Variants in RIN2 observed in about 807,000 individuals in gnomAD.
RIN2 encodes the protein RAB5 interacting protein 2.
Under a neutral mutation model 78.0 loss-of-function variants are expected in RIN2, and 36 were observed. The observed-to-expected ratio is 0.46, with a 90% CI of 0.35 to 0.61. RIN2 has a LOEUF of 0.61. RIN2 is among the 20% of genes least tolerant of loss of function. RIN2 has a pLI of 0.00. For missense variants in RIN2, 1,087 were observed against 1,159.7 expected, an observed-to-expected ratio of 0.94 and a Z score of 0.91; for synonymous variants, 466 against 466.8, an observed-to-expected ratio of 1.00 and a Z score of 0.02.
rs1316215614 is a variant in RIN2 at position 19,788,432 on chromosome 20, C to CAAAAAAAAAAAAAAAACAAAA, written c.-162-11174_-162-11173insCAAAAAAAAAAAAAAAAAAAA. ...CAACATGGCGAAATCCTGTCTCTGC[C>CAAAAAAAAAAAAAAAACAAAA]AAAAAAAAAAAAAAAAACAACTAGC... is the stretch of plus-strand genomic sequence containing the variant. On this transcript the variant is annotated intron_variant, in intron 1 of 12. Transcript: ENST00000255006. Among the ~76,000 whole-genome samples the CAAAAAAAAAAAAAAAACAAAA allele has an allele frequency of 4.1e-3, 220 of 53,714 alleles. 7 individuals carry two copies. Among genetic ancestry groups the CAAAAAAAAAAAAAAAACAAAA allele is most frequent in the African/African-American group, 0.023 (211 of 9,092 alleles). 35.2% of individuals were successfully genotyped at this position (53,714 alleles called of 152,430 possible). A position where few individuals can be genotyped will look rare whatever the true frequency, so the allele number is the denominator to read the frequency against.
chr20:19,993,560 C>G (rs938999101), intron 11 of RIN2, among the ~76,000 whole-genome samples: 1 of 152,096 alleles, frequency 6.6e-6, no homozygotes, highest in African/African-American at 2.4e-5. Context: ...TCTCTCCTCC[C>G]GTACCCGATC....
At chr20:19,858,870 G>A (rs541534348) in intron 2 of RIN2, among the ~76,000 whole-genome samples, 1 of 152,344 alleles carries the variant, frequency 6.6e-6, no homozygotes, top group East Asian at 1.9e-4. Flanking sequence ...TGACCATGTA[G>A]TGGAGACCAG....
intron 8 of RIN2, among the ~76,000 whole-genome samples, 175 bp downstream of exon 8, chr20:19,971,104 T>A (rs1301923015): frequency 1.3e-5 from 2 of 152,216 alleles, no homozygotes; most frequent in Non-Finnish European, 2.9e-5. Flanking sequence ...TGTTGATGTC[T>A]TCCCTTTCTG....
At chr20:19,962,821 G>A (rs2146266984) in intron 6 of RIN2, among the ~76,000 whole-genome samples, 1 of 152,312 alleles carries the variant, frequency 6.6e-6, no homozygotes, top group Non-Finnish European at 1.5e-5. Flanking sequence ...GCCAGGTGTG[G>A]TGGCGCAAGC....
chr20:19,859,392 C>T (rs564088476), intron 2 of RIN2, among the ~76,000 whole-genome samples: 41 of 152,238 alleles, frequency 2.7e-4, no homozygotes, highest in Non-Finnish European at 4.9e-4. Flanking sequence ...AATAGTGCTT[C>T]CATCCGAAGA....
intron 2 of RIN2, among the ~76,000 whole-genome samples, chr20:19,818,130 G>T (rs145448140): frequency 3.3e-5 from 5 of 152,274 alleles, no homozygotes; most frequent in African/African-American, 1.2e-4. Context: ...TCAGGCAATT[G>T]TAACATAAAA....
chr20:19,779,667 C>G (rs1274662700), intron 1 of RIN2, among the ~76,000 whole-genome samples: 2 of 152,156 alleles, frequency 1.3e-5, no homozygotes, highest in African/African-American at 4.8e-5. Flanking sequence ...CAGACCCAAG[C>G]ACAGGAAAAA....
intron 11 of RIN2, among the ~76,000 whole-genome samples, chr20:19,994,524 T>A (rs1469550795): frequency 6.6e-6 from 1 of 152,186 alleles, no homozygotes; most frequent in African/African-American, 2.4e-5. Flanking sequence ...CATCCACATG[T>A]TTCAAAGTGT....
At chr20:19,798,333 G>A (rs1378193429) in intron 1 of RIN2, among the ~76,000 whole-genome samples, 1 of 152,056 alleles carries the variant, frequency 6.6e-6, no homozygotes, top group Non-Finnish European at 1.5e-5. Flanking sequence ...GAGAGGGACA[G>A]GGAGGATATT....
chr20:19,819,222 A>G (rs982464800), intron 2 of RIN2, among the ~76,000 whole-genome samples: 1 of 152,230 alleles, frequency 6.6e-6, no homozygotes, highest in Non-Finnish European at 1.5e-5. Context: ...TCCAAGGTCC[A>G]GGTGCCAGCA....
intron 1 of RIN2, among the ~76,000 whole-genome samples, chr20:19,792,030 G>A (rs62200342): frequency 0.022 from 3,286 of 152,320 alleles, 53 homozygotes; most frequent in African/African-American, 0.035. Flanking sequence ...GTTGGGGGAA[G>A]AGGAAGGACA....
chr20:19,840,603 A>G (rs1190204578), intron 2 of RIN2, among the ~76,000 whole-genome samples: 1 of 152,186 alleles, frequency 6.6e-6, no homozygotes, highest in Admixed American at 6.5e-5. Context: ...AGCCAACCAG[A>G]AACCACTTCT....
At chr20:19,967,555 A>C (rs902605688) in intron 7 of RIN2, among the ~76,000 whole-genome samples, 40 of 152,374 alleles carry the variant, frequency 2.6e-4, no homozygotes, top group African/African-American at 8.7e-4. Flanking sequence ...CGAATCAATA[A>C]ACATAGGATT....
intron 2 of RIN2, among the ~76,000 whole-genome samples, chr20:19,882,581 G>T (rs1335689575): frequency 6.6e-6 from 1 of 152,186 alleles, no homozygotes; most frequent in African/African-American, 2.4e-5. Context: ...GGAAGTCCCA[G>T]TGTGTGTGGC....
intron 3 of RIN2, among the ~76,000 whole-genome samples, chr20:19,921,008 T>A (rs1600806309): frequency 6.6e-6 from 1 of 152,094 alleles, no homozygotes; most frequent in Admixed American, 6.5e-5. Context: ...TGTTTGTTTG[T>A]TTGTTTTTTA....
chr20:19,997,317 C>T (rs930844998), intron 12 of RIN2, among the ~76,000 whole-genome samples: 6 of 152,234 alleles, frequency 3.9e-5, no homozygotes, highest in South Asian at 2.1e-4. Flanking sequence ...CAGCCGTCCA[C>T]GGCGCAGAGT....
rs188713690 is a variant in RIN2, at chr20:19,792,258, C to T, written c.-162-7364C>T. The stretch of plus-strand genomic sequence containing the variant: ...TGTAATGGTCACCCTCATCAATGCA[C>T]TTAATTCCCATTTTTAACAGCAAAA... On this transcript the variant is annotated intron_variant, in intron 1 of 12. Transcript: ENST00000255006. 2.5e-4 allele frequency among the ~76,000 whole-genome samples: 38 copies of T among 152,310 alleles called. No individual in the cohort carries two copies. In the East Asian group the frequency reaches 6.6e-3, roughly 26 times the overall value.
intron 3 of RIN2, among the ~76,000 whole-genome samples, chr20:19,890,321 G>A (rs940552058): frequency 2.6e-5 from 4 of 151,940 alleles, no homozygotes; most frequent in South Asian, 2.1e-4. Context: ...CTTGGTGGTC[G>A]CTTCTGATTT....
chr20:19,899,558 C>T (rs1193823407), intron 3 of RIN2, among the ~76,000 whole-genome samples: 1 of 152,140 alleles, frequency 6.6e-6, no homozygotes, highest in East Asian at 1.9e-4. Context: ...AGCTGAGAGC[C>T]TCAAGCTCAA....
Sources: allele counts gnomAD v4.1 joint callset (sites outside exome capture counted in the v4.1 genomes callset), GRCh38; gene constraint gnomAD v4.1.1; transcripts MANE v1.5; gene names NCBI Gene and HGNC (gene_info 2026-07-23, HGNC 2026-07-21).